The following HRH3 variants were observed in gnomAD, a reference collection of about 807,000 sequenced individuals.
The protein encoded by HRH3 is histamine H3 receptor.
Under a neutral mutation model 21.6 loss-of-function variants are expected in HRH3, and 13 were observed. That is an observed-to-expected ratio of 0.60 (90% CI 0.39 to 0.96). HRH3 has a LOEUF of 0.96. HRH3 is among the 40% of genes least tolerant of loss of function. The pLI is 0.00. For missense variants in HRH3, 461 were observed against 622.7 expected (o/e 0.74, Z 2.76); for synonymous variants, 276 against 290.3 (o/e 0.95, Z 0.50).
rs949014576 is a variant in HRH3, at chr20:62,219,611, C to G, written c.250+110G>C. The G allele has an allele frequency of 9.4e-6, 13 of 1,386,940 alleles. No individual in the cohort carries two copies. The African/African-American group carries it at 1.5e-4, about 16-fold the overall frequency. The allele number at this position is 1,386,940 out of a possible 1,614,324, so 85.9% of individuals were successfully genotyped here. A position where few individuals can be genotyped will look rare whatever the true frequency, so the allele number is the denominator to read the frequency against. On this transcript the variant is annotated intron_variant, in intron 1 of 2. Coordinates refer to ENST00000340177, the MANE Select transcript of HRH3 (RefSeq NM_007232.3). The surrounding 1 kb of genome is among the most constrained non-coding windows in gnomAD (Gnocchi z 8.7). ...ACGCCCCCTTCCCAGGCCGGGTCCC[C>G]TGGTGGGGCGTGTGCCTGCGGGAGC...
In HRH3 at chr20:62,218,715, C is replaced by T; in HGVS notation, c.251-58G>A. ...AGCCAGGGGCCAGGGGACAGACGGACCTAAGCGCAGACACCGGCGGGACCT... is the reference window on the plus strand; with the variant it reads ...AGCCAGGGGCCAGGGGACAGACGGATCTAAGCGCAGACACCGGCGGGACCT... On this transcript the variant is annotated intron_variant, in intron 1 of 2. Coordinates refer to ENST00000340177, the MANE Select transcript of HRH3 (RefSeq NM_007232.3). The surrounding 1 kb of genome is among the most constrained non-coding windows in gnomAD (Gnocchi z 5.6). 6.4e-7 allele frequency: 1 copy of T among 1,556,178 alleles called. No individual in the cohort carries two copies. Among genetic ancestry groups the T allele is most frequent in the East Asian group, 2.3e-5 (1 of 44,244 alleles).
Position 62,216,615 on chromosome 20 carries a change from C to T in HRH3, c.729G>A (p.Glu243=), listed in dbSNP as rs1978573055. ...LDGAREAAGP[E]PPPEAQPSPP... ...GTGAGGGCTGGGCCTCGGGAGGGGG[C>T]TCGGGGCCGGCTGCCTCTCGAGCCC... is the stretch of plus-strand genomic sequence containing the variant. The change falls in exon 3 of 3, where the codon GAG becomes GAA. Residue 243 remains glutamate (E), a synonymous_variant. Transcript: ENST00000340177. 2.5e-6 allele frequency: 4 copies of T among 1,610,702 alleles called. No individual in the cohort carries two copies. Among genetic ancestry groups the T allele is most frequent in the Non-Finnish European group, 2.5e-6 (3 of 1,178,932 alleles).
Position 62,215,933 on chromosome 20 carries a change from G to C in HRH3, c.*73C>G, listed in dbSNP as rs1978519726. On this transcript the variant is annotated 3_prime_UTR_variant, in exon 3 of 3. Coordinates refer to ENST00000340177, the MANE Select transcript of HRH3 (RefSeq NM_007232.3). Reference sequence around the variant, plus strand: ...ACCCCTGGGGGAACGAGCCGGGTAGGGGGCAGCAGGGCCAGATGCCCAGGA... The same window carrying C: ...ACCCCTGGGGGAACGAGCCGGGTAGCGGGCAGCAGGGCCAGATGCCCAGGA... 1 of 1,396,732 alleles carries C rather than the reference G, an allele frequency of 7.2e-7. No individual in the cohort carries two copies. The highest frequency in any genetic ancestry group is 1.4e-5 in the African/African-American group (1 of 69,734). 86.5% of individuals were successfully genotyped at this position (1,396,732 alleles called of 1,614,324 possible). A position where few individuals can be genotyped will look rare whatever the true frequency, so the allele number is the denominator to read the frequency against.
In HRH3 at chr20:62,219,380, C is replaced by T. The variant is rs906864172; in HGVS notation, c.250+341G>A. Among the ~76,000 whole-genome samples the T allele has an allele frequency of 6.6e-6, 1 of 151,704 alleles. No homozygotes were observed. ...CCCCTCCCCCAGACCTTCTCTAAAC[C>T]GCCCCACTGCGCCCTCCGCGCGTCC... On this transcript the variant is annotated intron_variant, in intron 1 of 2. Coordinates refer to ENST00000340177, the MANE Select transcript of HRH3 (RefSeq NM_007232.3). This position sits in a 1 kb window ranked among gnomAD's most constrained non-coding sequence, Gnocchi z 8.7.
At position 62,218,536 on chromosome 20, in the gene HRH3, G is replaced by A. The variant is rs200004858; in HGVS notation, c.372C>T (p.Asn124=). The A allele has an allele frequency of 1.1e-5, 17 of 1,612,392 alleles. No individual in the cohort carries two copies. In the East Asian group the frequency reaches 3.8e-4, roughly 36 times the overall value. The change falls in exon 2 of 3, where the codon AAC becomes AAT. Residue 124 remains asparagine, a synonymous_variant. Coordinates refer to ENST00000340177, the MANE Select transcript of HRH3 (RefSeq NM_007232.3). This position sits in a 1 kb window ranked among gnomAD's most constrained non-coding sequence, Gnocchi z 5.6. ...DYLLCTSSAF[N]IVLISYDRFL... ...AGCGGTCGTAGCTGATGAGCACGAT[G>A]TTGAAGGCAGAGGAGGTGCACAGCA...
Position 62,218,674 on chromosome 20 carries a change from C to T in HRH3, c.251-17G>A. 6.2e-7 allele frequency: 1 copy of T among 1,608,838 alleles called. No individual in the cohort carries two copies. The stretch of plus-strand genomic sequence containing the variant: ...AGAAGGCGCCTGTGGGGAGTAGGGC[C>T]ACAGTGGGACCATGCAGCCAGGGGC... On this transcript the variant is annotated splice_polypyrimidine_tract_variant and intron_variant, in intron 1 of 2. Coordinates refer to ENST00000340177, the MANE Select transcript of HRH3 (RefSeq NM_007232.3). This position sits in a 1 kb window ranked among gnomAD's most constrained non-coding sequence, Gnocchi z 5.6.
rs1214242159 is a variant in HRH3 at position 62,215,733 on chromosome 20, C to G, written c.*273G>C. Reference sequence around the variant, plus strand: ...GTGGGCACCAGCAGGGGGTGGGCAGCATGTCTGGGACCTCCAGACTGTCCC... The same window carrying G: ...GTGGGCACCAGCAGGGGGTGGGCAGGATGTCTGGGACCTCCAGACTGTCCC... On this transcript the variant is annotated 3_prime_UTR_variant, in exon 3 of 3. Transcript: ENST00000340177. The G allele has an allele frequency of 3.8e-6, 2 of 529,768 alleles. No individual in the cohort carries two copies. Among genetic ancestry groups the G allele is most frequent in the Non-Finnish European group, 6.8e-6 (2 of 292,656 alleles). 32.8% of individuals were successfully genotyped at this position (529,768 alleles called of 1,614,324 possible).
rs201147707 is a variant in HRH3 at position 62,216,579 on chromosome 20, C to T, written c.765G>A (p.Pro255=). Residue 255 remains proline (P), a synonymous_variant, in exon 3 of 3, where the codon CCG becomes CCA. Coordinates refer to ENST00000340177, the MANE Select transcript of HRH3 (RefSeq NM_007232.3). The part of the protein sequence containing the change: ...PPEAQPSPPP[P]PGCWGCWQKG... ...TCTGCCAGCAGCCCCAGCAGCCAGG[C>T]GGTGGGGGTGGTGAGGGCTGGGCCT... 4.0e-5 allele frequency: 64 copies of T among 1,605,924 alleles called. 1 individual carries two copies. The Admixed American group carries it at 6.9e-4, about 17-fold the overall frequency.
Position 62,218,656 on chromosome 20 carries a change from G to C in HRH3, c.252C>G (p.Gly84=). The change falls in exon 2 of 3, where the codon GGC becomes GGG. Residue 84 remains glycine, a splice_region_variant and synonymous_variant. Transcript: ENST00000340177. This position sits in a 1 kb window ranked among gnomAD's most constrained non-coding sequence, Gnocchi z 5.6. ...LNLAISDFLV[G]AFCIPLYVPY... ...GTACATACAGTGGGATGCAGAAGGC[G>C]CCTGTGGGGAGTAGGGCCACAGTGG... The C allele has an allele frequency of 6.2e-7, 1 of 1,611,318 alleles. No individual in the cohort carries two copies. Among genetic ancestry groups the C allele is most frequent in the South Asian group, 1.1e-5 (1 of 91,036 alleles).
chr20:62,215,788 G>A lies in HRH3; in HGVS notation c.*218C>T, dbSNP rs1978509612. 1 of 584,148 alleles carries A rather than the reference G, an allele frequency of 1.7e-6. No individual in the cohort carries two copies. The highest frequency in any genetic ancestry group is 3.0e-6 in the Non-Finnish European group (1 of 329,408). 36.2% of individuals were successfully genotyped at this position (584,148 alleles called of 1,614,324 possible). On this transcript the variant is annotated 3_prime_UTR_variant, in exon 3 of 3. Coordinates refer to ENST00000340177, the MANE Select transcript of HRH3 (RefSeq NM_007232.3). Reference sequence around the variant, plus strand: ...GGTGGAGCCAGAATGTGGGGGGCAGGGCCGGCCACCCAGCCTCCAGTCCAG... The same window carrying A: ...GGTGGAGCCAGAATGTGGGGGGCAGAGCCGGCCACCCAGCCTCCAGTCCAG...
Position 62,220,184 on chromosome 20 carries a change from G to T in HRH3, c.-214C>A. On this transcript the variant is annotated 5_prime_UTR_variant, in exon 1 of 3. Transcript: ENST00000340177. Reference sequence around the variant, plus strand: ...CCGGGGCCGGATCCGAGCCCAGTGGGGCCGGCAGCGCGGCTGCTGCAGCGG... The same window carrying T: ...CCGGGGCCGGATCCGAGCCCAGTGGTGCCGGCAGCGCGGCTGCTGCAGCGG... 5.1e-6 allele frequency: 1 copy of T among 197,452 alleles called. No homozygotes were observed. The highest frequency in any genetic ancestry group is 9.0e-6 in the Non-Finnish European group (1 of 110,814). 12.2% of individuals were successfully genotyped at this position (197,452 alleles called of 1,614,324 possible).
rs1978685353 is a variant in HRH3, at chr20:62,218,743, G to A, written c.251-86C>T. Reference sequence around the variant, plus strand: ...AAGCGCAGACACCGGCGGGACCTGGGGTCACATGGTGGCTGCTTTTCTGGA... The same window carrying A: ...AAGCGCAGACACCGGCGGGACCTGGAGTCACATGGTGGCTGCTTTTCTGGA... On this transcript the variant is annotated intron_variant, in intron 1 of 2. Transcript: ENST00000340177. This position sits in a 1 kb window ranked among gnomAD's most constrained non-coding sequence, Gnocchi z 5.6. The A allele has an allele frequency of 1.5e-6, 2 of 1,331,050 alleles. No homozygotes were observed. The highest frequency in any genetic ancestry group is 2.4e-5 in the East Asian group (1 of 41,754). The allele number at this position is 1,331,050 out of a possible 1,614,324, so 82.5% of individuals were successfully genotyped here.
In HRH3 at chr20:62,216,610, G is replaced by A; in HGVS notation, c.734C>T (p.Pro245Leu). ...GAREAAGPEP[P>L]PEAQPSPPPP... ...GGGTGGTGAGGGCTGGGCCTCGGGA[G>A]GGGGCTCGGGGCCGGCTGCCTCTCG... Residue 245 changes from proline (P) to leucine (L), a missense_variant, in exon 3 of 3, where the codon CCT (proline) becomes CTT (leucine). By Grantham distance (98) the Pro-to-Leu change is moderately conservative. Around this residue, in one of 6 missense-constraint regions of HRH3, gnomAD observed 163 missense variants for 139.4 expected, o/e 1.17. Transcript: ENST00000340177. 6.2e-7 allele frequency: 1 copy of A among 1,610,282 alleles called. No individual in the cohort carries two copies. Among genetic ancestry groups the A allele is most frequent in the Non-Finnish European group, 8.5e-7 (1 of 1,178,754 alleles).
Position 62,219,711 on chromosome 20 carries a change from G to A in HRH3, c.250+10C>T. The A allele has an allele frequency of 6.3e-7, 1 of 1,592,528 alleles. No individual in the cohort carries two copies. The highest frequency in any genetic ancestry group is 8.6e-7 in the Non-Finnish European group (1 of 1,168,986). On this transcript the variant is annotated intron_variant, in intron 1 of 2. Coordinates refer to ENST00000340177, the MANE Select transcript of HRH3 (RefSeq NM_007232.3). The surrounding 1 kb of genome is among the most constrained non-coding windows in gnomAD (Gnocchi z 8.7). The stretch of plus-strand genomic sequence containing the variant: ...CCTGGGTCCCCAGCGGCCAGGGGCT[G>A]GGGATTTACCGACGAGGAAGTCGGA...
rs1310681170 is a variant in HRH3, at chr20:62,216,714, G to A, written c.630C>T (p.Pro210=). ...ITASTLEFFT[P]FLSVTFFNLS... Reference sequence around the variant, plus strand: ...GGTTAAAGAAGGTGACGCTGAGGAAGGGCGTAAAGAACTCCAGGGTGGAAG... The same window carrying A: ...GGTTAAAGAAGGTGACGCTGAGGAAAGGCGTAAAGAACTCCAGGGTGGAAG... The change falls in exon 3 of 3, where the codon CCC becomes CCT. Residue 210 remains proline (P), a synonymous_variant. Transcript: ENST00000340177. The A allele has an allele frequency of 6.2e-7, 1 of 1,613,320 alleles. No homozygotes were observed. Among genetic ancestry groups the A allele is most frequent in the African/African-American group, 1.3e-5 (1 of 75,050 alleles).
Position 62,219,571 on chromosome 20 carries a change from C to G in HRH3, c.250+150G>C. The G allele has an allele frequency of 1.0e-6, 1 of 977,086 alleles. No individual in the cohort carries two copies. The highest frequency in any genetic ancestry group is 1.4e-6 in the Non-Finnish European group (1 of 697,818). 60.5% of individuals were successfully genotyped at this position (977,086 alleles called of 1,614,324 possible). ...CAAGGAACTTCGCCTGTGCCCCCCA[C>G]CCCATGGGCTCCGGACGCCCCCTTC... On this transcript the variant is annotated intron_variant, in intron 1 of 2. Transcript: ENST00000340177. This position sits in a 1 kb window ranked among gnomAD's most constrained non-coding sequence, Gnocchi z 8.7.
At chr20:62,217,529 C>T (rs1302590499) in intron 2 of HRH3, among the ~76,000 whole-genome samples, 3 of 152,208 alleles carry the variant, frequency 2.0e-5, no homozygotes, top group African/African-American at 4.8e-5. Flanking sequence ...GAGGGCAGGG[C>T]CCTCCTCAGG....
Position 62,219,754 on chromosome 20 carries a change from G to A in HRH3, c.217C>T (p.Leu73=), listed in dbSNP as rs1228342975. 2 of 1,604,962 alleles carry A rather than the reference G, an allele frequency of 1.2e-6. No individual in the cohort carries two copies. Among genetic ancestry groups the A allele is most frequent in the Non-Finnish European group, 1.7e-6 (2 of 1,175,882 alleles). The change falls in exon 1 of 3, where the codon CTG becomes TTG. Residue 73 remains leucine, a synonymous_variant. Transcript: ENST00000340177. The surrounding 1 kb of genome is among the most constrained non-coding windows in gnomAD (Gnocchi z 8.7). The stretch of plus-strand genomic sequence containing the variant: ...AAGTCGGAGATGGCGAGGTTGAGCA[G>A]GAAGAAGTTGTTCTGGGTGCGGAGG... ...SSLRTQNNFF[L]LNLAISDFLV... is the part of the protein sequence containing the mutation.
At position 62,216,493 on chromosome 20, in the gene HRH3, G is replaced by A. The variant is rs763475779; in HGVS notation, c.851C>T (p.Ala284Val). 18 of 1,572,938 alleles carry A rather than the reference G, an allele frequency of 1.1e-5. No homozygotes were observed. Among genetic ancestry groups the A allele is most frequent in the Non-Finnish European group, 1.5e-5 (17 of 1,160,356 alleles). ...CCCGAGGGTCGCCTCCCCGGCCTCA[G>A]CGCCTACGGCCGCCTCACCCACCCC... ...RYGVGEAAVG[A>V]EAGEATLGGG... is the part of the protein sequence containing the mutation. The change falls in exon 3 of 3, where the codon GCT becomes GTT. Residue 284 changes from alanine to valine, a missense_variant. This residue lies in a region of HRH3 where 163 missense variants were observed against 139.4 expected (regional missense o/e 1.17). Coordinates refer to ENST00000340177, the MANE Select transcript of HRH3 (RefSeq NM_007232.3).
Sources: gnomAD v4.1 joint callset for allele counts (sites outside exome capture counted in the v4.1 genomes callset) on GRCh38, gnomAD v4.1.1 for gene constraint, gnomAD v4.1.1 regional missense constraint, Gnocchi (gnomAD v3.1) non-coding constraint, MANE v1.5 for transcripts, NCBI Gene and HGNC (gene_info 2026-07-23, HGNC 2026-07-21) for gene names.